The following L3MBTL4 variants were observed in gnomAD, a reference collection of about 807,000 sequenced individuals.
The protein encoded by L3MBTL4 is lethal(3)malignant brain tumor-like protein 4.
Under a neutral mutation model 84.5 loss-of-function variants are expected in L3MBTL4, and 70 were observed. The ratio of observed to expected loss-of-function variants is 0.83; its 90% CI spans 0.68 to 1.01. The LOEUF is 1.01. Among genes scored for constraint, L3MBTL4 ranks in the 50% least tolerant of loss-of-function variants. The pLI, the probability that L3MBTL4 is intolerant of heterozygous loss-of-function variation, is 0.00. For synonymous variants in L3MBTL4, 274 were observed against 259.8 expected, an observed-to-expected ratio of 1.05 and a Z score of -0.52; for missense variants, 715 against 754.8, an observed-to-expected ratio of 0.95 and a Z score of 0.62.
At chr18:6,054,653 T>C (rs2056953757) in intron 16 of L3MBTL4, among the ~76,000 whole-genome samples, 2 of 152,310 alleles carry the variant, frequency 1.3e-5, no homozygotes, top group South Asian at 2.1e-4. Context: ...CTGGCACTTA[T>C]CTCAGCTGTA....
At chr18:6,093,555 G>A (rs1474773889) in intron 14 of L3MBTL4, 27 bp from the exon 15 acceptor site, 1 of 1,602,190 alleles carries the variant, frequency 6.2e-7, no homozygotes, top group African/African-American at 1.3e-5. Flanking sequence ...TGAGAGCACA[G>A]TCATCAGTAT....
chr18:6,413,638 C>A lies in L3MBTL4; in HGVS notation c.-91+1163G>T, dbSNP rs553845568. On this transcript the variant is annotated intron_variant, in intron 1 of 18. Coordinates refer to ENST00000317931, the MANE Select transcript of L3MBTL4 (RefSeq NM_001330559.2). The stretch of plus-strand genomic sequence containing the variant: ...CAAGGACTGAAACTGGAGCCTGCCA[C>A]AAGCATCTTCTAGAACAGCTCCAAC... 2.7e-4 allele frequency among the ~76,000 whole-genome samples: 41 copies of A among 152,314 alleles called. No homozygotes were observed. In the Middle Eastern group the frequency reaches 0.014, roughly 51 times the overall value.
chr18:5,961,027 T>C (rs990905696), intron 17 of L3MBTL4, among the ~76,000 whole-genome samples: 1 of 152,204 alleles, frequency 6.6e-6, no homozygotes, highest in South Asian at 2.1e-4. Context: ...CAGCAGGGGA[T>C]GAAAGGCAGG....
chr18:6,387,857 G>A (rs774742639), intron 1 of L3MBTL4, among the ~76,000 whole-genome samples: 1 of 152,176 alleles, frequency 6.6e-6, no homozygotes, highest in Non-Finnish European at 1.5e-5. Context: ...CTGAAAAAGA[G>A]AGGAGCAGAA....
chr18:5,995,320 C>T (rs370327472), intron 16 of L3MBTL4, among the ~76,000 whole-genome samples: 1 of 152,212 alleles, frequency 6.6e-6, no homozygotes, highest in Admixed American at 6.5e-5. Context: ...GTGACAGTGA[C>T]GCTGGGCTCC....
intron 16 of L3MBTL4, among the ~76,000 whole-genome samples, chr18:6,036,757 G>A (rs2056158844): frequency 6.6e-6 from 1 of 152,134 alleles, no homozygotes; most frequent in African/African-American, 2.4e-5. Flanking sequence ...CCCAGAGTTT[G>A]CTAATTTTTT....
intron 4 of L3MBTL4, among the ~76,000 whole-genome samples, chr18:6,294,704 CTCAA>C (rs905787682): frequency 2.1e-5 from 3 of 145,696 alleles, no homozygotes; most frequent in Non-Finnish European, 4.6e-5. Context: ...TTGTCTTTTG[CTCAA>C]TCAATCAAAA....
intron 12 of L3MBTL4, among the ~76,000 whole-genome samples, chr18:6,188,522 T>C (rs1291829046): frequency 6.6e-6 from 1 of 152,178 alleles, no homozygotes; most frequent in Non-Finnish European, 1.5e-5. Flanking sequence ...GAAGTCTAAA[T>C]TATCTGACTG....
intron 12 of L3MBTL4, among the ~76,000 whole-genome samples, chr18:6,179,557 G>A (rs113990250): frequency 3.9e-4 from 59 of 152,334 alleles, no homozygotes; most frequent in African/African-American, 1.4e-3. Context: ...AAGAATGCTT[G>A]CACCGTGCCT....
At chr18:6,403,743 T>C (rs569926630) in intron 1 of L3MBTL4, among the ~76,000 whole-genome samples, 15 of 152,344 alleles carry the variant, frequency 9.8e-5, no homozygotes, top group Admixed American at 2.0e-4. Flanking sequence ...ATCCCACTAC[T>C]GGGTATCTAG....
chr18:6,397,752 A>G (rs982844031), intron 1 of L3MBTL4: 1 of 152,278 alleles, frequency 6.6e-6, no homozygotes, highest in African/African-American at 2.4e-5. Flanking sequence ...GCTACTTGAG[A>G]GGCTGAGATG....
chr18:6,298,179 C>A (rs1270107287), intron 4 of L3MBTL4, among the ~76,000 whole-genome samples: 1 of 152,194 alleles, frequency 6.6e-6, no homozygotes, highest in Non-Finnish European at 1.5e-5. Context: ...CCCATCCCAC[C>A]AGCAAGGAGT....
intron 13 of L3MBTL4, among the ~76,000 whole-genome samples, chr18:6,143,760 C>T (rs900718968): frequency 1.3e-5 from 2 of 152,168 alleles, no homozygotes; most frequent in African/African-American, 4.8e-5. Context: ...GCTTCTATCA[C>T]CTGTCTCCCT....
rs1599908808 is a variant in L3MBTL4, at chr18:6,398,334, G to A, written c.-91+16467C>T. 3.9e-5 allele frequency among the ~76,000 whole-genome samples: 6 copies of A among 152,330 alleles called. No homozygotes were observed. In the East Asian group the frequency reaches 1.2e-3, roughly 29 times the overall value. The stretch of plus-strand genomic sequence containing the variant: ...GAAGTGGCTCTGTAATGAATGGCCT[G>A]TGGCAGGTTAAGACAAAAGAATGCT... On this transcript the variant is annotated intron_variant, in intron 1 of 18. Transcript: ENST00000317931.
At chr18:6,308,013 A>T (rs2050668584) in intron 3 of L3MBTL4, among the ~76,000 whole-genome samples, 1 of 152,210 alleles carries the variant, frequency 6.6e-6, no homozygotes, top group Non-Finnish European at 1.5e-5. Context: ...CACACTAGAC[A>T]TCAATGAAAT....
chr18:6,241,669 T>C (rs974439822), intron 7 of L3MBTL4, among the ~76,000 whole-genome samples: 8 of 152,212 alleles, frequency 5.3e-5, no homozygotes, highest in African/African-American at 1.9e-4. Context: ...AATCTCCAAA[T>C]TGTTTCACCT....
At chr18:5,990,770 G>GGGGT (rs1239452278) in intron 16 of L3MBTL4, among the ~76,000 whole-genome samples, 3 of 142,366 alleles carry the variant, frequency 2.1e-5, no homozygotes, top group Non-Finnish European at 3.1e-5. Context: ...GGTTCATGTG[G>GGGGT]GTGTGTGTGT....
intron 16 of L3MBTL4, among the ~76,000 whole-genome samples, chr18:6,033,604 A>T (rs2055952039): frequency 6.6e-6 from 1 of 152,186 alleles, no homozygotes. Context: ...TTGTAATTAC[A>T]ATTACATTAG....
At position 5,956,510 on chromosome 18, in the gene L3MBTL4, A is replaced by G. The variant is rs2095227961; in HGVS notation, c.1678-123T>C. 5.2e-6 allele frequency: 4 copies of G among 765,952 alleles called. No homozygotes were observed. In the South Asian group the frequency reaches 7.0e-5, roughly 13 times the overall value. The allele number at this position is 765,952 out of a possible 1,614,324, so 47.4% of individuals were successfully genotyped here. On this transcript the variant is annotated intron_variant, in intron 18 of 18. Coordinates refer to ENST00000317931, the MANE Select transcript of L3MBTL4 (RefSeq NM_001330559.2). ...TCATAGCCTCCGTGTTGAGCTCACC[A>G]GTGAGAGAGAATGACGGTAGCTCTC...
Sources: allele counts gnomAD v4.1 joint callset (sites outside exome capture counted in the v4.1 genomes callset), GRCh38; gene constraint gnomAD v4.1.1; transcripts MANE v1.5; gene names NCBI Gene and HGNC (gene_info 2026-07-23, HGNC 2026-07-21).